Variants in GRIP1 observed in about 807,000 individuals in gnomAD.
The protein encoded by GRIP1 is glutamate receptor-interacting protein 1.
In GRIP1, 45 loss-of-function variants were observed where a neutral mutation model predicts 129.9. That is an observed-to-expected ratio of 0.35 (90% CI 0.27 to 0.44). The LOEUF is 0.44. Among genes scored for constraint, GRIP1 ranks in the 20% least tolerant of loss-of-function variants. GRIP1 has a pLI of 1.00. For synonymous variants in GRIP1, 530 were observed against 520.8 expected, an observed-to-expected ratio of 1.02 and a Z score of -0.24; for missense variants, 1,196 against 1,396.8, an observed-to-expected ratio of 0.86 and a Z score of 2.29.
chr12:66,450,761 CATATA>C (rs1186684907), intron 11 of GRIP1, among the ~76,000 whole-genome samples: 4 of 151,728 alleles, frequency 2.6e-5, no homozygotes, highest in Non-Finnish European at 5.9e-5. Context: ...ATTAGTTACA[CATATA>C]AAAGTTTTGA....
intron 7 of GRIP1, among the ~76,000 whole-genome samples, chr12:66,485,813 T>C (rs769561646): frequency 1.2e-4 from 18 of 152,088 alleles, no homozygotes; most frequent in Non-Finnish European, 2.1e-4. Context: ...AGGGCTACTT[T>C]TTTTCTCATT....
chr12:66,386,209 C>G (rs1440487169), intron 19 of GRIP1, among the ~76,000 whole-genome samples: 2 of 152,146 alleles, frequency 1.3e-5, no homozygotes, highest in African/African-American at 4.8e-5. Context: ...TTGTAAAATT[C>G]TAACATTCCA....
chr12:66,582,100 T>A (rs1565883325), intron 2 of GRIP1, among the ~76,000 whole-genome samples: 1 of 152,108 alleles, frequency 6.6e-6, no homozygotes, highest in Non-Finnish European at 1.5e-5. Flanking sequence ...GCTGATTCAA[T>A]ATATGCAAAT....
At chr12:66,707,503 T>TAAA (rs58564255) in intron 1 of GRIP1, among the ~76,000 whole-genome samples, 38 of 63,890 alleles carry the variant, frequency 5.9e-4, no homozygotes, top group South Asian at 1.8e-3. Context: ...AATCACTGAC[T>TAAA]AAAAAAAAAA....
intron 14 of GRIP1, among the ~76,000 whole-genome samples, chr12:66,431,600 A>C (rs1268589384): frequency 6.6e-6 from 1 of 152,248 alleles, no homozygotes; most frequent in Non-Finnish European, 1.5e-5. Flanking sequence ...GCTATCCAAC[A>C]GAGTGCAGTG....
intron 1 of GRIP1, among the ~76,000 whole-genome samples, chr12:66,727,609 T>C (rs1419026175): frequency 6.6e-6 from 1 of 152,198 alleles, no homozygotes; most frequent in African/African-American, 2.4e-5. Context: ...GCTGCATTAA[T>C]GGAACAAACC....
chr12:67,040,881 G>T (rs1214748142), intron 1 of GRIP1, among the ~76,000 whole-genome samples: 1 of 152,074 alleles, frequency 6.6e-6, no homozygotes, highest in Non-Finnish European at 1.5e-5. Flanking sequence ...GTGTTTTTTG[G>T]CAGGGGCTGA....
intron 1 of GRIP1, among the ~76,000 whole-genome samples, chr12:66,772,664 G>T (rs1229581345): frequency 2.0e-5 from 3 of 152,204 alleles, no homozygotes; most frequent in Non-Finnish European, 4.4e-5. Flanking sequence ...GGGTTCATTG[G>T]TGTGTGTTAC....
intron 23 of GRIP1, among the ~76,000 whole-genome samples, chr12:66,363,349 T>A (rs2054924827): frequency 1.3e-5 from 2 of 149,702 alleles, no homozygotes; most frequent in East Asian, 3.9e-4. Context: ...GCTCAAGTGA[T>A]CTTCCCACCT....
chr12:66,592,512 G>A (rs1467442884), intron 2 of GRIP1, among the ~76,000 whole-genome samples: 1 of 152,162 alleles, frequency 6.6e-6, no homozygotes, highest in Non-Finnish European at 1.5e-5. Context: ...TCAAAGTTTA[G>A]AAATGTAATA....
chr12:66,474,487 G>T (rs2059543325), intron 7 of GRIP1, among the ~76,000 whole-genome samples: 1 of 152,086 alleles, frequency 6.6e-6, no homozygotes, highest in Non-Finnish European at 1.5e-5. Context: ...ATGCCCCAAA[G>T]ATACCCCTTG....
intron 1 of GRIP1, among the ~76,000 whole-genome samples, chr12:66,876,180 A>T (rs1318634796): frequency 1.3e-5 from 2 of 152,040 alleles, no homozygotes; most frequent in Non-Finnish European, 2.9e-5. Flanking sequence ...TGGCAGCTTG[A>T]AGAAAAAAAT....
chr12:66,911,056 A>G (rs1388794650), intron 1 of GRIP1, among the ~76,000 whole-genome samples: 2 of 152,258 alleles, frequency 1.3e-5, no homozygotes, highest in African/African-American at 4.8e-5. Context: ...GGATACAAAA[A>G]TAAGTAATAT....
chr12:66,608,005 A>C (rs2064614919), intron 1 of GRIP1, among the ~76,000 whole-genome samples: 1 of 152,240 alleles, frequency 6.6e-6, no homozygotes, highest in East Asian at 1.9e-4. Context: ...TTCTTGTCTC[A>C]TGTGGGCAGC....
intron 2 of GRIP1, among the ~76,000 whole-genome samples, chr12:66,573,452 T>C (rs1288264954): frequency 4.6e-5 from 7 of 152,202 alleles, no homozygotes; most frequent in African/African-American, 1.7e-4. Flanking sequence ...TACATGGTGA[T>C]AGATAACTAA....
chr12:67,055,232 T>A (rs2043415087), intron 1 of GRIP1, among the ~76,000 whole-genome samples: 1 of 152,122 alleles, frequency 6.6e-6, no homozygotes, highest in Non-Finnish European at 1.5e-5. Flanking sequence ...CTGGAAATAA[T>A]CCAGTAGAGA....
chr12:66,909,029 AT>A (rs1182892108), intron 1 of GRIP1, among the ~76,000 whole-genome samples: 4 of 152,138 alleles, frequency 2.6e-5, no homozygotes, highest in Non-Finnish European at 5.9e-5. Context: ...ATTCCTCAAT[AT>A]TTTTGTTATT....
At chr12:66,417,438 C>G (rs1366539737) in intron 15 of GRIP1, among the ~76,000 whole-genome samples, 1 of 152,104 alleles carries the variant, frequency 6.6e-6, no homozygotes, top group Non-Finnish European at 1.5e-5. Context: ...GAAGTCCTAG[C>G]TAGAGCAATC....
chr12:66,420,685 G>C, intron 15 of GRIP1, 35 bp downstream of exon 15: 1 of 1,097,940 alleles, frequency 9.1e-7, no homozygotes, highest in Non-Finnish European at 1.4e-6. Context: ...ATTAAGAGAG[G>C]CCTTAAAATG....
Sources: allele counts gnomAD v4.1 joint callset (sites outside exome capture counted in the v4.1 genomes callset), GRCh38; gene constraint gnomAD v4.1.1; transcripts MANE v1.5; gene names NCBI Gene and HGNC (gene_info 2026-07-23, HGNC 2026-07-21).